Variants in PEBP4 observed in about 807,000 individuals in gnomAD.
The protein encoded by PEBP4 is phosphatidylethanolamine binding protein 4, also known as phosphatidylethanolamine-binding protein 4.
In PEBP4, 22 loss-of-function variants were observed where a neutral mutation model predicts 23.9. The ratio of observed to expected loss-of-function variants is 0.92; its 90% CI spans 0.66 to 1.31. The LOEUF is 1.31. Among genes scored for constraint, PEBP4 ranks in the 40% most tolerant of loss-of-function variants. PEBP4 has a pLI of 0.00. For synonymous variants in PEBP4, 112 were observed against 99.3 expected, an observed-to-expected ratio of 1.13 and a Z score of -0.76; for missense variants, 324 against 281.7, an observed-to-expected ratio of 1.15 and a Z score of -1.07.
chr8:22,880,392 A>G (rs1808223626), intron 3 of PEBP4: 1 of 152,228 alleles, frequency 6.6e-6, no homozygotes, highest in Non-Finnish European at 1.5e-5. Flanking sequence ...TTATTTCGGC[A>G]GGAGGATGCA....
At chr8:22,908,384 AC>A (rs1808860207) in intron 3 of PEBP4, among the ~76,000 whole-genome samples, 1 of 144,392 alleles carries the variant, frequency 6.9e-6, no homozygotes, top group Non-Finnish European at 1.5e-5. Context: ...AAACAAACAA[AC>A]AAACAAACAA....
Position 22,766,682 on chromosome 8 carries a change from C to A in PEBP4, c.358-39462G>T, listed in dbSNP as rs556728707. 5.9e-5 allele frequency among the ~76,000 whole-genome samples: 9 copies of A among 152,284 alleles called. No individual in the cohort carries two copies. In the South Asian group the frequency reaches 1.9e-3, roughly 32 times the overall value. On this transcript the variant is annotated intron_variant, in intron 4 of 6. Coordinates refer to ENST00000256404, the MANE Select transcript of PEBP4 (RefSeq NM_144962.3). ...TGCTGGCGTATCAGGGGCAGCAGCA[C>A]CCGGGGCGGCGGTTGGGGGAATGGA...
At chr8:22,849,817 C>A (rs943866093) in intron 3 of PEBP4, among the ~76,000 whole-genome samples, 4 of 152,170 alleles carry the variant, frequency 2.6e-5, no homozygotes, top group Non-Finnish European at 5.9e-5. Flanking sequence ...ACAGTCAACT[C>A]AAGACATTCA....
Position 22,775,871 on chromosome 8 carries a change from G to A in PEBP4, c.357+41766C>T, listed in dbSNP as rs1330902176. On this transcript the variant is annotated intron_variant, in intron 4 of 6. Transcript: ENST00000256404. The surrounding 1 kb of genome is among the most constrained non-coding windows in gnomAD (Gnocchi z 4.8). ...TGCCCGACTCCTTGGCTCTTGGGGGGGTTTCCCGTTCTGGAGGCGCCGGCA... is the reference window on the plus strand; with the variant it reads ...TGCCCGACTCCTTGGCTCTTGGGGGAGTTTCCCGTTCTGGAGGCGCCGGCA... 6.6e-6 allele frequency among the ~76,000 whole-genome samples: 1 copy of A among 152,142 alleles called. No individual in the cohort carries two copies. Among genetic ancestry groups the A allele is most frequent in the Admixed American group, 6.5e-5 (1 of 15,280 alleles).
At chr8:22,820,638 T>C (rs1806838812) in intron 3 of PEBP4, among the ~76,000 whole-genome samples, 1 of 152,292 alleles carries the variant, frequency 6.6e-6, no homozygotes, top group South Asian at 2.1e-4. Context: ...CTTTTGAGCT[T>C]GATCTCAAAG....
intron 4 of PEBP4, among the ~76,000 whole-genome samples, chr8:22,791,283 G>A (rs1248728691): frequency 3.3e-5 from 5 of 152,102 alleles, no homozygotes; most frequent in African/African-American, 1.2e-4. Context: ...CTTGTCTCCG[G>A]TCCTGCAGTC....
chr8:22,929,375 A>G (rs1309307332), upstream of PEBP4, among the ~76,000 whole-genome samples: 1 of 152,188 alleles, frequency 6.6e-6, no homozygotes. Flanking sequence ...CATCTTCCAA[A>G]TGGCATCCAC....
chr8:22,906,137 C>T (rs1808807688), intron 3 of PEBP4, among the ~76,000 whole-genome samples: 1 of 152,052 alleles, frequency 6.6e-6, no homozygotes, highest in African/African-American at 2.4e-5. Flanking sequence ...TTCAGCCTAC[C>T]CCCACCCCTC....
At chr8:22,916,163 T>C (rs1385631283) in intron 3 of PEBP4, among the ~76,000 whole-genome samples, 1 of 152,206 alleles carries the variant, frequency 6.6e-6, no homozygotes. Context: ...GTTCCCTCCC[T>C]GTAATGCAAT....
chr8:22,720,743 A>C (rs1051319101), intron 6 of PEBP4, among the ~76,000 whole-genome samples: 5 of 152,248 alleles, frequency 3.3e-5, no homozygotes, highest in Admixed American at 6.5e-5. Flanking sequence ...TGTTCCTCCT[A>C]TCTTGGGGAC....
chr8:22,814,100 A>G (rs1282710617), intron 4 of PEBP4, among the ~76,000 whole-genome samples: 2 of 152,200 alleles, frequency 1.3e-5, no homozygotes, highest in African/African-American at 2.4e-5. Context: ...TCTGAGCACT[A>G]TCCTTAAAAT....
chr8:22,937,614 C>T (rs1046495131), intron 1 of PEBP4, among the ~76,000 whole-genome samples: 14 of 151,944 alleles, frequency 9.2e-5, no homozygotes, highest in African/African-American at 3.1e-4. Flanking sequence ...TGTGGGACCC[C>T]AAATAGTCAA....
chr8:22,778,438 G>A (rs1189913684), intron 4 of PEBP4, among the ~76,000 whole-genome samples: 2 of 150,880 alleles, frequency 1.3e-5, no homozygotes, highest in African/African-American at 2.4e-5. Flanking sequence ...CGGCTGGAGT[G>A]CAGTGGCATG....
At position 22,753,024 on chromosome 8, in the gene PEBP4, A is replaced by G. The variant is rs7017133; in HGVS notation, c.358-25804T>C. Among the ~76,000 whole-genome samples the G allele has an allele frequency of 6.4e-3, 972 of 152,296 alleles. 14 individuals are homozygous for G. Among genetic ancestry groups the G allele is most frequent in the African/African-American group, 0.023 (942 of 41,546 alleles). On this transcript the variant is annotated intron_variant, in intron 4 of 6. Transcript: ENST00000256404. ...TGAGTTTCCTAAGGGCAAATGGAGC[A>G]GGTTAATCAGATTCCTCACTTGCCT...
At chr8:22,840,190 G>A (rs574971663) in intron 3 of PEBP4, among the ~76,000 whole-genome samples, 24 of 152,156 alleles carry the variant, frequency 1.6e-4, no homozygotes, top group South Asian at 1.2e-3. Context: ...TTCAGGTTTC[G>A]GATAGATTTT....
intron 5 of PEBP4, among the ~76,000 whole-genome samples, chr8:22,726,132 C>A (rs1473775869): frequency 6.6e-6 from 1 of 151,958 alleles, no homozygotes; most frequent in African/African-American, 2.4e-5. Flanking sequence ...ACATGAACAG[C>A]CAGTGTGCAA....
At chr8:22,848,029 G>GCTCT (rs148288633) in intron 3 of PEBP4, among the ~76,000 whole-genome samples, 1 of 149,928 alleles carries the variant, frequency 6.7e-6, no homozygotes, top group Admixed American at 6.6e-5. Context: ...CAGTGCTAAA[G>GCTCT]CTCTCTCTCT....
chr8:22,774,859 C>G (rs775935221), intron 4 of PEBP4, among the ~76,000 whole-genome samples: 5 of 152,158 alleles, frequency 3.3e-5, no homozygotes, highest in Non-Finnish European at 7.4e-5. Flanking sequence ...AGAAACCAAT[C>G]TGACTTTCCC....
chr8:22,924,617 G>A (rs1809284334), intron 2 of PEBP4: 3 of 973,042 alleles, frequency 3.1e-6, no homozygotes, highest in African/African-American at 3.5e-5. Context: ...TGTACTTTCT[G>A]AAGAACGGAG....
Sources: gnomAD v4.1 joint callset for allele counts (sites outside exome capture counted in the v4.1 genomes callset) on GRCh38, gnomAD v4.1.1 for gene constraint, Gnocchi (gnomAD v3.1) non-coding constraint, MANE v1.5 for transcripts, NCBI Gene and HGNC (gene_info 2026-07-23, HGNC 2026-07-21) for gene names.